PIK3C2G: variants seen among roughly 807,000 people sequenced by gnomAD.
PIK3C2G encodes the protein phosphatidylinositol 3-kinase C2 domain-containing subunit gamma.
Under a neutral mutation model 181.1 loss-of-function variants are expected in PIK3C2G, and 168 were observed. The ratio of observed to expected loss-of-function variants is 0.93; its 90% CI spans 0.82 to 1.05. The LOEUF is 1.05. PIK3C2G is among the 50% of genes least tolerant of loss of function. The pLI is 0.00. For synonymous variants in PIK3C2G, 573 were observed against 592.2 expected (o/e 0.97, Z 0.47); for missense variants, 1,869 against 1,732.8 (o/e 1.08, Z -1.40).
chr12:18,456,507 T>C (rs193018481), intron 18 of PIK3C2G, among the ~76,000 whole-genome samples: 284 of 152,200 alleles, frequency 1.9e-3, no homozygotes, highest in Middle Eastern at 6.8e-3. Flanking sequence ...GCACAAGAGA[T>C]TGGTTGGACC....
At chr12:18,353,183 G>A (rs1428450905) in intron 11 of PIK3C2G, among the ~76,000 whole-genome samples, 1 of 152,140 alleles carries the variant, frequency 6.6e-6, no homozygotes, top group Admixed American at 6.5e-5. Context: ...GCTGACAGGG[G>A]GCATTGTTTT....
Position 18,340,264 on chromosome 12 carries a change from C to A in PIK3C2G, c.1395+1716C>A, listed in dbSNP as rs1001014701. Among the ~76,000 whole-genome samples, 3 of 151,956 alleles carry A rather than the reference C, an allele frequency of 2.0e-5. No individual in the cohort carries two copies. In the South Asian group the frequency reaches 6.2e-4, roughly 32 times the overall value. ...TTGGGCCACACATAAAATACACTAA[C>A]GCTAACAATAGCTGATAGGCTAAAA... On this transcript the variant is annotated intron_variant, in intron 9 of 32. Transcript: ENST00000538779.
chr12:18,509,284 G>T (rs528512388), intron 24 of PIK3C2G, among the ~76,000 whole-genome samples: 2 of 152,116 alleles, frequency 1.3e-5, no homozygotes, highest in Non-Finnish European at 2.9e-5. Context: ...CCGACCTCAG[G>T]CAATTCGCCC....
At chr12:18,596,473 T>C (rs1222356141) in intron 30 of PIK3C2G, among the ~76,000 whole-genome samples, 1 of 151,996 alleles carries the variant, frequency 6.6e-6, no homozygotes, top group Non-Finnish European at 1.5e-5. Context: ...ACATACCAAA[T>C]AATACCTCCA....
chr12:18,601,254 C>A (rs116578971), intron 30 of PIK3C2G, among the ~76,000 whole-genome samples: 2,386 of 151,002 alleles, frequency 0.016, 67 homozygotes, highest in African/African-American at 0.055. Flanking sequence ...ATTGAATGAC[C>A]TTTCTTAACA....
chr12:18,366,108 A>C (rs145273736), intron 12 of PIK3C2G, among the ~76,000 whole-genome samples: 1 of 152,332 alleles, frequency 6.6e-6, no homozygotes, highest in African/African-American at 2.4e-5. Flanking sequence ...TCTCTTTAAA[A>C]TATCAGTCAA....
intron 31 of PIK3C2G, among the ~76,000 whole-genome samples, chr12:18,624,191 GC>G (rs1948991055): frequency 6.6e-6 from 1 of 151,486 alleles, no homozygotes; most frequent in Non-Finnish European, 1.5e-5. Context: ...CCTTAATTGT[GC>G]TGAGATACAT....
At position 18,282,271 on chromosome 12, in the gene PIK3C2G, T is replaced by A; in HGVS notation, c.190T>A (p.Phe64Ile). 6.2e-7 allele frequency: 1 copy of A among 1,613,742 alleles called. No homozygotes were observed. Among genetic ancestry groups the A allele is most frequent in the Non-Finnish European group, 8.5e-7 (1 of 1,179,716 alleles). ...GAGTGAAATTGATGAAAACACCTTT[T>A]TTGTGCCCACTGCACCAAAATGGGA... ...YESEIDENTF[F>I]VPTAPKWDST... The change falls in exon 2 of 33, where the codon TTT becomes ATT. Residue 64 changes from phenylalanine (F) to isoleucine (I), a missense_variant. Physicochemically the swap from Phe to Ile is conservative, Grantham distance 21. Coordinates refer to ENST00000538779, the MANE Select transcript of PIK3C2G (RefSeq NM_001288772.2).
intron 16 of PIK3C2G, among the ~76,000 whole-genome samples, chr12:18,412,906 A>G (rs1015654095): frequency 6.6e-6 from 1 of 152,088 alleles, no homozygotes; most frequent in Non-Finnish European, 1.5e-5. Context: ...TACCATTTCA[A>G]CTTAATCCTT....
At chr12:18,362,698 G>C (rs934617103) in intron 11 of PIK3C2G, 66 bp from the exon 12 acceptor site, 11 of 1,141,670 alleles carry the variant, frequency 9.6e-6, no homozygotes, top group Non-Finnish European at 1.3e-5. Flanking sequence ...AAAAATAATT[G>C]ACCCATATAG....
chr12:18,634,132 T>C (rs12297038), intron 31 of PIK3C2G, among the ~76,000 whole-genome samples: 1,895 of 152,258 alleles, frequency 0.012, 18 homozygotes, highest in Non-Finnish European at 0.021. Flanking sequence ...CATCGTTCTG[T>C]AGAGACCAGA....
intron 6 of PIK3C2G, among the ~76,000 whole-genome samples, chr12:18,315,323 GA>G (rs764972374): frequency 6.6e-6 from 1 of 150,886 alleles, no homozygotes. Flanking sequence ...AAATCTCCAG[GA>G]AAAAAAATGT....
chr12:18,469,088 A>G (rs1205930191), intron 18 of PIK3C2G, among the ~76,000 whole-genome samples: 1 of 152,132 alleles, frequency 6.6e-6, no homozygotes, highest in African/African-American at 2.4e-5. Context: ...TCATATACCC[A>G]GATTGCTTCA....
the PIK3C2G span, chr12:18,692,941 A>T: frequency 6.6e-7 from 1 of 1,520,010 alleles, no homozygotes; most frequent in Non-Finnish European, 9.1e-7. Context: ...GTGACACCTC[A>T]CACTCAGTGC....
Position 18,358,398 on chromosome 12 carries a change from G to A in PIK3C2G, c.1626-4366G>A, listed in dbSNP as rs149735351. On this transcript the variant is annotated intron_variant, in intron 11 of 32. Coordinates refer to ENST00000538779, the MANE Select transcript of PIK3C2G (RefSeq NM_001288772.2). ...TCTAATAATTTATGATCATCACATT[G>A]GATCGGGCACCTTAACTCAGCATTT... is the stretch of plus-strand genomic sequence containing the variant. The A allele has an allele frequency of 6.0e-3, 1,012 of 168,574 alleles. 10 individuals carry two copies. The highest frequency in any genetic ancestry group is 0.023 in the African/African-American group (973 of 41,964). The allele number at this position is 168,574 out of a possible 1,614,324, so 10.4% of individuals were successfully genotyped here.
At chr12:18,420,839 C>T in intron 16 of PIK3C2G, 102 bp from the exon 17 acceptor site, 1 of 662,164 alleles carries the variant, frequency 1.5e-6, no homozygotes, top group Non-Finnish European at 2.8e-6. Flanking sequence ...ATTGTTTTAC[C>T]TTATGCACTG....
intron 31 of PIK3C2G, among the ~76,000 whole-genome samples, chr12:18,619,750 T>A (rs1298171405): frequency 6.6e-6 from 1 of 151,354 alleles, no homozygotes; most frequent in African/African-American, 2.4e-5. Context: ...AATTTTTTTT[T>A]TTTTTTTTTG....
chr12:18,601,930 A>T (rs1287340224), intron 30 of PIK3C2G, among the ~76,000 whole-genome samples: 1 of 152,104 alleles, frequency 6.6e-6, no homozygotes, highest in South Asian at 2.1e-4. Flanking sequence ...GCCTGGCACC[A>T]CAGGGATCCA....
intron 24 of PIK3C2G, among the ~76,000 whole-genome samples, chr12:18,521,721 A>G (rs1942931751): frequency 6.6e-6 from 1 of 152,198 alleles, no homozygotes; most frequent in African/African-American, 2.4e-5. Context: ...CCCAGTGTCG[A>G]CTGCCGCCTT....
Sources: gnomAD v4.1 joint callset for allele counts (sites outside exome capture counted in the v4.1 genomes callset) on GRCh38, gnomAD v4.1.1 for gene constraint, MANE v1.5 for transcripts, NCBI Gene and HGNC (gene_info 2026-07-23, HGNC 2026-07-21) for gene names.